PLEKHO1: variants seen among roughly 807,000 people sequenced by gnomAD.
PLEKHO1 encodes the protein pleckstrin homology domain-containing family O member 1.
PLEKHO1 carries 22 observed loss-of-function variants against 41.4 expected under a neutral mutation model. The ratio of observed to expected loss-of-function variants is 0.53; its 90% confidence interval spans 0.38 to 0.76. The LOEUF (loss-of-function observed/expected upper bound fraction) is 0.76. PLEKHO1 is among the 30% of genes least tolerant of loss of function. The probability of loss-of-function intolerance (pLI) is 0.00; values close to 1 mark genes in which losing one functional copy is unlikely to be tolerated. For missense variants in PLEKHO1, 488 were observed against 518.3 expected, an observed-to-expected ratio of 0.94 and a Z score of 0.57; for synonymous variants, 225 against 210.8, an observed-to-expected ratio of 1.07 and a Z score of -0.58.
At chr1:150,157,172 TTC>T (rs781895884) in intron 4 of PLEKHO1, 157 bp downstream of exon 4, 13 of 697,054 alleles carry the variant, frequency 1.9e-5, no homozygotes, top group Non-Finnish European at 2.3e-5. Context: ...TCTTTCTACC[TTC>T]TCTCCAAGTC....
rs151090480 is a variant in PLEKHO1 at position 150,156,203 on chromosome 1, C to A, written c.315C>A (p.Asn105Lys). Residue 105 changes from asparagine (N) to lysine (K), a missense_variant, in exon 3 of 6, where the codon AAC becomes AAA. Around this residue, in one of 3 missense-constraint regions of PLEKHO1, gnomAD observed 59 missense variants for 111.5 expected, o/e 0.53. Coordinates refer to ENST00000369124, the MANE Select transcript of PLEKHO1 (RefSeq NM_016274.6). ...TTGCCCACTCCAAACAGCCCGGTAA[C>A]ACGGTATGTTTCTCCTGCCACCTTG... ...FTLAHSKQPGNTAPNLIFLAV... is the reference protein window; with the variant it reads ...FTLAHSKQPGKTAPNLIFLAV... 7.4e-6 allele frequency: 12 copies of A among 1,613,068 alleles called. No homozygotes were observed. The African/African-American group carries it at 8.0e-5, about 11-fold the overall frequency.
At position 150,150,791 on chromosome 1, in the gene PLEKHO1, C is replaced by A. The variant is rs146836012; in HGVS notation, c.31-121C>A. 1,403 of 881,968 alleles carry A rather than the reference C, an allele frequency of 1.6e-3. 20 individuals carry two copies. In the African/African-American group the frequency reaches 0.022, roughly 14 times the overall value. 54.6% of individuals were successfully genotyped at this position (881,968 alleles called of 1,614,324 possible). On this transcript the variant is annotated intron_variant, in intron 1 of 5. Transcript: ENST00000369124. ...TGGGAGCGAACCTGGGGCGGCCCCC[C>A]GCCCCCCGGCCGCAGCCTTCGGAGG...
chr1:150,157,233 G>C lies in PLEKHO1; in HGVS notation c.424-152G>C, dbSNP rs376937993. ...GCTTCATGATGGGGGAGCCAGCCTT[G>C]GGTCAGCTTAAAGAGCCCCCTTCGT... On this transcript the variant is annotated intron_variant, in intron 4 of 5. Transcript: ENST00000369124. 1.7e-3 allele frequency: 1,239 copies of C among 729,634 alleles called. 8 individuals are homozygous for C. The highest frequency in any genetic ancestry group is 0.016 in the Middle Eastern group (44 of 2,720). The allele number at this position is 729,634 out of a possible 1,614,324, so 45.2% of individuals were successfully genotyped here. A position where few individuals can be genotyped will look rare whatever the true frequency, so the allele number is the denominator to read the frequency against.
In PLEKHO1 at chr1:150,150,285, C is replaced by T. The variant is rs1553818340; in HGVS notation, c.28C>T (p.Arg10Trp). The T allele has an allele frequency of 3.6e-6, 4 of 1,111,152 alleles. No homozygotes were observed. The highest frequency in any genetic ancestry group is 2.7e-5 in the South Asian group (1 of 37,702). The allele number at this position is 1,111,152 out of a possible 1,614,324, so 68.8% of individuals were successfully genotyped here. The change falls in exon 1 of 6, where the codon CGG becomes TGG. Residue 10 changes from arginine (R) to tryptophan (W), a missense_variant and splice_region_variant. Physicochemically the swap from Arg to Trp is moderately radical, Grantham distance 101 (BLOSUM62 -3). This residue lies in a region of PLEKHO1 where 92 missense variants were observed against 82.3 expected (regional missense o/e 1.12). Coordinates refer to ENST00000369124, the MANE Select transcript of PLEKHO1 (RefSeq NM_016274.6). ...GATGAAGAAGAACAATTCCGCCAAG[C>T]GGGTGAGTGCGCTTGCCCGCCCTGC... is the stretch of plus-strand genomic sequence containing the variant. MMKKNNSAK[R>W]GPQDGNQQPA...
chr1:150,158,860 G>T lies in PLEKHO1; in HGVS notation c.567G>T (p.Leu189Phe), dbSNP rs1553821105. The T allele has an allele frequency of 6.2e-7, 1 of 1,612,844 alleles. No homozygotes were observed. The highest frequency in any genetic ancestry group is 2.2e-5 in the East Asian group (1 of 44,822). Residue 189 changes from leucine (L) to phenylalanine (F), a missense_variant, in exon 6 of 6, where the codon TTG (leucine) becomes TTT (phenylalanine). Leu to Phe is a conservative substitution (Grantham distance 22). Around this residue, in one of 3 missense-constraint regions of PLEKHO1, gnomAD observed 337 missense variants for 324.6 expected, o/e 1.04. Transcript: ENST00000369124. ...STSDGMLTLD[L>F]IQEEDPSPEE... ...CGGATGGGATGCTGACCTTGGACTTGATCCAAGAGGAAGACCCTTCCCCTG... is the reference window on the plus strand; with the variant it reads ...CGGATGGGATGCTGACCTTGGACTTTATCCAAGAGGAAGACCCTTCCCCTG...
intron 5 of PLEKHO1, among the ~76,000 whole-genome samples, chr1:150,158,432 T>C (rs1415154928): frequency 6.6e-6 from 1 of 152,112 alleles, no homozygotes; most frequent in Admixed American, 6.5e-5. Flanking sequence ...ACACCTGTAA[T>C]CCCAGTACTT....
In PLEKHO1 at chr1:150,157,446, A is replaced by C. The variant is rs1571950300; in HGVS notation, c.485A>C (p.His162Pro). The C allele has an allele frequency of 6.2e-7, 1 of 1,613,548 alleles. No homozygotes were observed. Among genetic ancestry groups the C allele is most frequent in the Non-Finnish European group, 8.5e-7 (1 of 1,179,802 alleles). ...ACTCGAGACAGGGCAAAAATCCAGC[A>C]CTCCCGCCGCCCCCCAACAAGGGGA... ...HPTRDRAKIQ[H>P]SRRPPTRGHL... Residue 162 changes from histidine (H) to proline (P), a missense_variant, in exon 5 of 6, where the codon CAC becomes CCC. Transcript: ENST00000369124.
chr1:150,151,577 G>T (rs1266597106), intron 2 of PLEKHO1, among the ~76,000 whole-genome samples: 5 of 152,154 alleles, frequency 3.3e-5, no homozygotes, highest in Non-Finnish European at 1.5e-5. Context: ...TGTGTGAGTG[G>T]CAGTTATTTT....
chr1:150,154,810 T>C (rs1468205187), intron 2 of PLEKHO1: 1 of 152,206 alleles, frequency 6.6e-6, no homozygotes, highest in African/African-American at 2.4e-5. Flanking sequence ...ACCAGGTTTT[T>C]CCTGAGGTGT....
chr1:150,154,461 T>A (rs1383617011), intron 2 of PLEKHO1: 1 of 152,264 alleles, frequency 6.6e-6, no homozygotes, highest in Non-Finnish European at 1.5e-5. Flanking sequence ...CTCACCTGAA[T>A]GGGGCCATGT....
At position 150,159,363 on chromosome 1, in the gene PLEKHO1, G is replaced by A. The variant is rs782502579; in HGVS notation, c.1070G>A (p.Arg357Gln). Reference sequence around the variant, plus strand: ...GAGCAGCTGCTGCTGGAGACGGAACGGCTGCTGGGAGAGGCATCATCGAAT... The same window carrying A: ...GAGCAGCTGCTGCTGGAGACGGAACAGCTGCTGGGAGAGGCATCATCGAAT... ...ESEQLLLETE[R>Q]LLGEASSNWS... The change falls in exon 6 of 6, where the codon CGG becomes CAG. Residue 357 changes from arginine (R) to glutamine (Q), a missense_variant. This residue lies in a region of PLEKHO1 where 337 missense variants were observed against 324.6 expected (regional missense o/e 1.04). Transcript: ENST00000369124. 15 of 1,614,056 alleles carry A rather than the reference G, an allele frequency of 9.3e-6. No homozygotes were observed. The highest frequency in any genetic ancestry group is 4.4e-5 in the South Asian group (4 of 91,082).
At chr1:150,155,917 T>C in intron 2 of PLEKHO1, 149 bp from the exon 3 acceptor site, 2 of 687,370 alleles carry the variant, frequency 2.9e-6, no homozygotes, top group Non-Finnish European at 2.5e-6. Flanking sequence ...GTGAGGACCT[T>C]GTAGGCTTTG....
chr1:150,159,709 C>T lies in PLEKHO1; in HGVS notation c.*186C>T, dbSNP rs1054151253. The T allele has an allele frequency of 5.7e-6, 3 of 527,086 alleles. No individual in the cohort carries two copies. Among genetic ancestry groups the T allele is most frequent in the Non-Finnish European group, 1.0e-5 (3 of 294,328 alleles). 32.7% of individuals were successfully genotyped at this position (527,086 alleles called of 1,614,324 possible). ...CTTTCCATATGCCCCTCGTATGCCCCTCAGGTTTGAGGAAGTGACCCCGCA... is the reference window on the plus strand; with the variant it reads ...CTTTCCATATGCCCCTCGTATGCCCTTCAGGTTTGAGGAAGTGACCCCGCA... On this transcript the variant is annotated 3_prime_UTR_variant, in exon 6 of 6. Coordinates refer to ENST00000369124, the MANE Select transcript of PLEKHO1 (RefSeq NM_016274.6).
At chr1:150,150,808 C>T in intron 1 of PLEKHO1, 104 bp from the exon 2 acceptor site, 3 of 1,119,236 alleles carry the variant, frequency 2.7e-6, no homozygotes, top group South Asian at 2.9e-5. Context: ...CGGCCGCAGC[C>T]TTCGGAGGAG....
At chr1:150,157,203 T>C in intron 4 of PLEKHO1, 182 bp from the exon 5 acceptor site, 1 of 702,156 alleles carries the variant, frequency 1.4e-6, no homozygotes, top group African/African-American at 1.8e-5. Flanking sequence ...CACCTCCTCT[T>C]CCCCGCTTCA....
Position 150,157,396 on chromosome 1 carries a change from G to C in PLEKHO1, c.435G>C (p.Glu145Asp). The C allele has an allele frequency of 6.2e-7, 1 of 1,613,368 alleles. No homozygotes were observed. The change falls in exon 5 of 6, where the codon GAG becomes GAC. Residue 145 changes from glutamate to aspartate, a missense_variant. Transcript: ENST00000369124. Reference sequence around the variant, plus strand: ...GTACATCTCTTCAGGTCACCGTTGAGGAGGACAGCTATCTTGCCCATCCCA... The same window carrying C: ...GTACATCTCTTCAGGTCACCGTTGACGAGGACAGCTATCTTGCCCATCCCA... ...KNRILDEVTV[E>D]EDSYLAHPTR...
intron 2 of PLEKHO1, among the ~76,000 whole-genome samples, chr1:150,152,161 A>C (rs1302265068): frequency 1.3e-5 from 2 of 152,110 alleles, no homozygotes; most frequent in African/African-American, 4.8e-5. Context: ...ACACACACAC[A>C]CCCTGAGACA....
intron 5 of PLEKHO1, among the ~76,000 whole-genome samples, chr1:150,158,307 A>G (rs1371482810): frequency 6.6e-6 from 1 of 152,168 alleles, no homozygotes; most frequent in Non-Finnish European, 1.5e-5. Flanking sequence ...GAAACAAGTA[A>G]CAAACTAAAT....
At chr1:150,150,885 C>A in intron 1 of PLEKHO1, 27 bp from the exon 2 acceptor site, 1 of 1,610,402 alleles carries the variant, frequency 6.2e-7, no homozygotes, top group Non-Finnish European at 8.5e-7. Flanking sequence ...CTCCTAACCG[C>A]CCGCTTCTCA....
Sources: allele counts gnomAD v4.1 joint callset (sites outside exome capture counted in the v4.1 genomes callset), GRCh38; gene constraint gnomAD v4.1.1; regional missense constraint gnomAD v4.1.1; transcripts MANE v1.5; gene names NCBI Gene and HGNC (gene_info 2026-07-23, HGNC 2026-07-21).